Variants in RCBTB1 observed in about 807,000 individuals in gnomAD.
RCBTB1 encodes RCC1 and BTB domain-containing protein 1.
In RCBTB1, 46 loss-of-function variants were observed where a neutral mutation model predicts 62.4. The observed-to-expected ratio is 0.74, with a 90% CI of 0.58 to 0.94. RCBTB1 has a LOEUF of 0.94. RCBTB1 is among the 40% of genes least tolerant of loss of function. The pLI is 0.00. For synonymous variants in RCBTB1, 222 were observed against 245.8 expected (o/e 0.90, Z 0.91); for missense variants, 565 against 654.9 (o/e 0.86, Z 1.50).
intron 2 of RCBTB1, 142 bp from the exon 3 acceptor site, chr13:49,567,462 C>T (rs1963103378): frequency 3.2e-6 from 2 of 616,770 alleles, no homozygotes; most frequent in South Asian, 2.1e-5. Flanking sequence ...ACTCACTTTC[C>T]CCCAGCCATG....
chr13:49,532,623 AT>A lies in RCBTB1; in HGVS notation c.*1498del, dbSNP rs1959645185. 6.6e-6 allele frequency: 1 copy of A among 152,348 alleles called. No homozygotes were observed. Among genetic ancestry groups the A allele is most frequent in the Admixed American group, 6.5e-5 (1 of 15,282 alleles). The allele number at this position is 152,348 out of a possible 1,614,324, so 9.4% of individuals were successfully genotyped here. A position where few individuals can be genotyped will look rare whatever the true frequency, so the allele number is the denominator to read the frequency against. ...GGCTGGGGCTCCTAGGCTTGTATCT[AT>A]TTCAGCTATCAGTGAATTCCTATCT... On this transcript the variant is annotated 3_prime_UTR_variant, in exon 13 of 13. Transcript: ENST00000378302.
At chr13:49,537,132 G>T (rs184902761) in intron 12 of RCBTB1, among the ~76,000 whole-genome samples, 291 of 152,260 alleles carry the variant, frequency 1.9e-3, no homozygotes, top group African/African-American at 6.4e-3. Context: ...GGGTGAGCAG[G>T]TGCCTCGGCA....
At chr13:49,563,996 G>A (rs1390684113) in intron 4 of RCBTB1, among the ~76,000 whole-genome samples, 1 of 152,202 alleles carries the variant, frequency 6.6e-6, no homozygotes, top group Non-Finnish European at 1.5e-5. Flanking sequence ...GGACCTCAGA[G>A]AAAGAGAGCA....
At position 49,583,657 on chromosome 13, in the gene RCBTB1, G is replaced by A. The variant is rs527325142; in HGVS notation, c.-122+1787C>T. Among the ~76,000 whole-genome samples, 11 of 151,732 alleles carry A rather than the reference G, an allele frequency of 7.2e-5. No individual in the cohort carries two copies. The East Asian group carries it at 2.1e-3, about 29-fold the overall frequency. The stretch of plus-strand genomic sequence containing the variant: ...TGCCTCCCCAGGTCAGGTAATTCTC[G>A]TACCTCAGCCTCCTGAGTAGCTGGG... On this transcript the variant is annotated intron_variant, in intron 1 of 12. Transcript: ENST00000378302.
intron 2 of RCBTB1, among the ~76,000 whole-genome samples, chr13:49,570,702 C>A (rs1963338930): frequency 6.6e-6 from 1 of 152,204 alleles, no homozygotes; most frequent in African/African-American, 2.4e-5. Flanking sequence ...GACAATCAAG[C>A]AAAGCTAACA....
intron 1 of RCBTB1, among the ~76,000 whole-genome samples, chr13:49,583,553 C>G (rs1227464895): frequency 6.8e-6 from 1 of 147,488 alleles, no homozygotes; most frequent in Non-Finnish European, 1.5e-5. Flanking sequence ...ACAACATGTA[C>G]TTTTTTTTTT....
intron 2 of RCBTB1, among the ~76,000 whole-genome samples, chr13:49,574,040 T>A (rs999493036): frequency 1.4e-5 from 2 of 145,734 alleles, no homozygotes; most frequent in African/African-American, 5.5e-5. Context: ...CACCTGGGCC[T>A]CCCAAAGTGC....
At chr13:49,538,241 A>G (rs1960077816) in intron 12 of RCBTB1, among the ~76,000 whole-genome samples, 1 of 151,960 alleles carries the variant, frequency 6.6e-6, no homozygotes, top group South Asian at 2.1e-4. Flanking sequence ...CAATCCTCCC[A>G]CTTCAGCATC....
chr13:49,559,147 A>C (rs1444120848), intron 5 of RCBTB1, among the ~76,000 whole-genome samples: 1 of 152,210 alleles, frequency 6.6e-6, no homozygotes, highest in Admixed American at 6.5e-5. Flanking sequence ...AGTTTCCAAG[A>C]ATCTATCAAT....
chr13:49,565,819 G>A (rs1284956418), intron 4 of RCBTB1, among the ~76,000 whole-genome samples: 1 of 152,094 alleles, frequency 6.6e-6, no homozygotes, highest in East Asian at 1.9e-4. Context: ...TCGTCGAATA[G>A]AAAAGGGGGA....
intron 4 of RCBTB1, among the ~76,000 whole-genome samples, chr13:49,560,983 C>A (rs187534972): frequency 3.3e-5 from 5 of 152,216 alleles, no homozygotes; most frequent in Admixed American, 3.3e-4. Context: ...CCCGGAAGCT[C>A]CTCTGTCTGA....
At chr13:49,584,999 A>G (rs1475030830) in intron 1 of RCBTB1, among the ~76,000 whole-genome samples, 1 of 152,174 alleles carries the variant, frequency 6.6e-6, no homozygotes, top group East Asian at 1.9e-4. Context: ...ACGATAAAGA[A>G]TACGGTTTGT....
intron 5 of RCBTB1, among the ~76,000 whole-genome samples, chr13:49,557,429 T>C (rs572967309): frequency 6.6e-6 from 1 of 152,210 alleles, no homozygotes; most frequent in African/African-American, 2.4e-5. Context: ...ACCTTTAAGA[T>C]AAGCACAACT....
intron 10 of RCBTB1, among the ~76,000 whole-genome samples, chr13:49,544,062 A>C (rs1007422962): frequency 3.9e-5 from 6 of 152,210 alleles, no homozygotes; most frequent in Non-Finnish European, 8.8e-5. Context: ...TTTTCTGCTT[A>C]ATCTATAATT....
intron 5 of RCBTB1, among the ~76,000 whole-genome samples, chr13:49,558,953 T>C (rs1449537160): frequency 1.3e-5 from 2 of 152,242 alleles, no homozygotes; most frequent in Non-Finnish European, 2.9e-5. Context: ...ATTGCTTTTA[T>C]TAATCTTTGT....
At chr13:49,564,821 G>A (rs913206153) in intron 4 of RCBTB1, among the ~76,000 whole-genome samples, 1 of 151,906 alleles carries the variant, frequency 6.6e-6, no homozygotes, top group African/African-American at 2.4e-5. Flanking sequence ...AACCCAGGAG[G>A]TGGAGCATGC....
intron 1 of RCBTB1, among the ~76,000 whole-genome samples, chr13:49,584,446 C>T (rs1010373032): frequency 6.6e-6 from 1 of 152,186 alleles, no homozygotes; most frequent in Non-Finnish European, 1.5e-5. Flanking sequence ...CAGTTACATC[C>T]TCGACCCTGA....
rs556031757 is a variant in RCBTB1 at position 49,577,706 on chromosome 13, T to C, written c.-42+2799A>G. Among the ~76,000 whole-genome samples, 11 of 152,256 alleles carry C rather than the reference T, an allele frequency of 7.2e-5. 1 individual carries two copies. In the South Asian group the frequency reaches 2.3e-3, roughly 32 times the overall value. ...ATTTTAGAAGCATGAAATGAGTTTG[T>C]GTCATTCTTTATTATGGAAGCCGAT... On this transcript the variant is annotated intron_variant, in intron 2 of 12. Coordinates refer to ENST00000378302, the MANE Select transcript of RCBTB1 (RefSeq NM_018191.4).
chr13:49,571,924 A>G (rs1369139087), intron 2 of RCBTB1, among the ~76,000 whole-genome samples: 1 of 152,196 alleles, frequency 6.6e-6, no homozygotes, highest in Non-Finnish European at 1.5e-5. Context: ...ATGTGTATAC[A>G]CTATCAATCC....
Sources: gnomAD v4.1 joint callset for allele counts (sites outside exome capture counted in the v4.1 genomes callset) on GRCh38, gnomAD v4.1.1 for gene constraint, MANE v1.5 for transcripts, NCBI Gene and HGNC (gene_info 2026-07-23, HGNC 2026-07-21) for gene names.